The following SERPINB12 variants were observed in gnomAD, a reference collection of about 807,000 sequenced individuals.
SERPINB12 encodes serpin family B member 12.
Under a neutral mutation model 41.1 loss-of-function variants are expected in SERPINB12, and 57 were observed. The observed-to-expected ratio is 1.39, with a 90% CI of 1.12 to 1.73. The LOEUF (loss-of-function observed/expected upper bound fraction) is 1.73. Ranked by LOEUF, SERPINB12 falls within the 40% of genes most tolerant of loss-of-function variation. The probability of loss-of-function intolerance (pLI) is 0.00; values close to 1 mark genes in which losing one functional copy is unlikely to be tolerated. For synonymous variants in SERPINB12, 180 were observed against 181.3 expected (o/e 0.99, Z 0.06); for missense variants, 536 against 501.9 (o/e 1.07, Z -0.65).
At chr18:63,532,171 A>ACCC in the SERPINB12 span, among the ~76,000 whole-genome samples, 1 of 152,104 alleles carries the variant, frequency 6.6e-6, no homozygotes. Context: ...AGTGGTAGAC[A>ACCC]CCCTACACAG....
Position 63,551,333 on chromosome 18 carries a change from T to G in SERPINB12, c.-18-4809T>G, listed in dbSNP as rs143117520. The stretch of plus-strand genomic sequence containing the variant: ...AAGTTTTCAGGTATGATTTCTTTTT[T>G]TTCTTTTTTGAGATGGAATTTCGCT... On this transcript the variant is annotated intron_variant, in intron 1 of 7. Transcript: ENST00000382768. 4.6e-3 allele frequency among the ~76,000 whole-genome samples: 695 copies of G among 152,206 alleles called. 6 individuals carry two copies. The highest frequency in any genetic ancestry group is 0.016 in the African/African-American group (650 of 41,542).
the SERPINB12 span, among the ~76,000 whole-genome samples, chr18:63,520,452 G>A: frequency 6.6e-6 from 1 of 152,220 alleles, no homozygotes; most frequent in Non-Finnish European, 1.5e-5. Flanking sequence ...AGTGGAGAAT[G>A]AGTCACAGAT....
At chr18:63,536,417 C>G in the SERPINB12 span, among the ~76,000 whole-genome samples, 29 of 151,894 alleles carry the variant, frequency 1.9e-4, no homozygotes, top group Non-Finnish European at 3.5e-4. Context: ...AAGAAATAAC[C>G]TACAATTGCC....
intron 1 of SERPINB12, among the ~76,000 whole-genome samples, chr18:63,549,262 G>A (rs1910463385): frequency 6.6e-6 from 1 of 151,984 alleles, no homozygotes; most frequent in African/African-American, 2.4e-5. Context: ...GTATTGTGAG[G>A]GCAAAATTCC....
chr18:63,521,483 T>G, the SERPINB12 span, among the ~76,000 whole-genome samples: 2 of 152,042 alleles, frequency 1.3e-5, no homozygotes, highest in African/African-American at 4.8e-5. Flanking sequence ...TTGGAAGGAG[T>G]GGCTCTTGAC....
chr18:63,538,434 T>C (rs1373680180), upstream of SERPINB12, among the ~76,000 whole-genome samples: 2 of 152,158 alleles, frequency 1.3e-5, no homozygotes, highest in African/African-American at 2.4e-5. Flanking sequence ...GTAAATGAGA[T>C]TGTAAAATAT....
intron 1 of SERPINB12, among the ~76,000 whole-genome samples, chr18:63,551,574 G>A (rs763272301): frequency 5.9e-5 from 9 of 152,106 alleles, no homozygotes; most frequent in Non-Finnish European, 1.3e-4. Flanking sequence ...ATTATCTTAT[G>A]ATGTGATGTG....
chr18:63,565,717 T>C, intron 7 of SERPINB12, 105 bp downstream of exon 7: 1 of 866,544 alleles, frequency 1.2e-6, no homozygotes, highest in Non-Finnish European at 1.7e-6. Context: ...ACCTCAGCTG[T>C]CAGAGACATC....
chr18:63,528,242 C>A, the SERPINB12 span, among the ~76,000 whole-genome samples: 1 of 151,866 alleles, frequency 6.6e-6, no homozygotes, highest in Non-Finnish European at 1.5e-5. Flanking sequence ...GTTTAATAGC[C>A]ACAAATTATC....
chr18:63,538,120 C>G (rs530638761), upstream of SERPINB12, among the ~76,000 whole-genome samples: 1 of 152,244 alleles, frequency 6.6e-6, no homozygotes, highest in Admixed American at 6.6e-5. Context: ...ACTTTAGGCA[C>G]CAGGACTTCT....
chr18:63,541,844 A>C (rs547679111), upstream of SERPINB12, among the ~76,000 whole-genome samples: 1 of 152,322 alleles, frequency 6.6e-6, no homozygotes, highest in Non-Finnish European at 1.5e-5. Context: ...AGAAAAAATA[A>C]CTGGTGAGGA....
intron 2 of SERPINB12, among the ~76,000 whole-genome samples, chr18:63,556,756 C>A (rs1910694087): frequency 1.3e-5 from 2 of 152,180 alleles, no homozygotes; most frequent in Admixed American, 1.3e-4. Flanking sequence ...AGCTTGGTGT[C>A]CTCCTGGACT....
chr18:63,563,009 G>T (rs1416943253), intron 5 of SERPINB12, among the ~76,000 whole-genome samples: 1 of 152,158 alleles, frequency 6.6e-6, no homozygotes, highest in African/African-American at 2.4e-5. Flanking sequence ...CCAGAGCTGA[G>T]CCCAAAGGTG....
At chr18:63,530,987 G>A in the SERPINB12 span, among the ~76,000 whole-genome samples, 1 of 152,088 alleles carries the variant, frequency 6.6e-6, no homozygotes, top group Non-Finnish European at 1.5e-5. Flanking sequence ...TAATCCTCAA[G>A]TGTATGCTGC....
chr18:63,529,613 G>A, the SERPINB12 span, among the ~76,000 whole-genome samples: 3 of 152,080 alleles, frequency 2.0e-5, no homozygotes, highest in Non-Finnish European at 4.4e-5. Flanking sequence ...CCAGATGTCA[G>A]CACTTCATTT....
chr18:63,539,079 C>T (rs956684954), upstream of SERPINB12, among the ~76,000 whole-genome samples: 1 of 152,118 alleles, frequency 6.6e-6, no homozygotes, highest in Non-Finnish European at 1.5e-5. Context: ...GACCACCAAC[C>T]TTTCTCTCTA....
chr18:63,569,234 C>A lies in SERPINB12; in HGVS notation c.*2223C>A, dbSNP rs752869057. 1.4e-4 allele frequency among the ~76,000 whole-genome samples: 21 copies of A among 152,008 alleles called. No individual in the cohort carries two copies. The highest frequency in any genetic ancestry group is 2.1e-4 in the Non-Finnish European group (14 of 68,002). ...ATGAGGAAAATTAAGAATCTTAAAT[C>A]TTTATGTAAATCAGTAAACATTCTT... is the stretch of plus-strand genomic sequence containing the variant. On this transcript the variant is annotated 3_prime_UTR_variant, in exon 8 of 8. Transcript: ENST00000382768.
At position 63,561,193 on chromosome 18, in the gene SERPINB12, C is replaced by T. The variant is rs749246305; in HGVS notation, c.553C>T (p.Gln185Ter). Reference protein sequence around the residue: ...RQEINFWVECQSQGKIKELFS... With the variant: ...RQEINFWVEC ...AGAGATTAACTTCTGGGTTGAATGT[C>T]AATCCCAAGGTAAGAAAGCCCAAAA... is the stretch of plus-strand genomic sequence containing the variant. Residue 185 changes from glutamine to a stop codon, truncating the protein, a stop_gained, in exon 5 of 8, where the codon CAA becomes TAA. Coordinates refer to ENST00000382768, the MANE Select transcript of SERPINB12 (RefSeq NM_001307928.2). LOFTEE classifies it high-confidence loss of function. The T allele has an allele frequency of 6.2e-7, 1 of 1,602,142 alleles. No homozygotes were observed. Among genetic ancestry groups the T allele is most frequent in the Non-Finnish European group, 8.5e-7 (1 of 1,169,986 alleles).
At chr18:63,541,213 C>A (rs141197913), upstream of SERPINB12, among the ~76,000 whole-genome samples, 27 of 152,252 alleles carry the variant, frequency 1.8e-4, no homozygotes, top group East Asian at 5.0e-3. Flanking sequence ...GCATGCCACT[C>A]GTTCCCTCAG....
Sources: gnomAD v4.1 joint callset for allele counts (sites outside exome capture counted in the v4.1 genomes callset) on GRCh38, gnomAD v4.1.1 for gene constraint, MANE v1.5 for transcripts, NCBI Gene and HGNC (gene_info 2026-07-23, HGNC 2026-07-21) for gene names.